The following HPS1 variants were observed in gnomAD, a reference collection of about 807,000 sequenced individuals.
HPS1 encodes the protein HPS1 biogenesis of lysosomal organelles complex 3 subunit 1, also known as BLOC-3 complex member HPS1.
HPS1 carries 59 observed loss-of-function variants against 90.6 expected under a neutral mutation model. The observed-to-expected ratio is 0.65, with a 90% CI of 0.53 to 0.81. The LOEUF (loss-of-function observed/expected upper bound fraction) is 0.81. Among genes scored for constraint, HPS1 ranks in the 30% least tolerant of loss-of-function variants. HPS1 has a pLI of 0.00. For synonymous variants in HPS1, 388 were observed against 384.4 expected (o/e 1.01, Z -0.11); for missense variants, 849 against 896.7 (o/e 0.95, Z 0.68).
rs369730473 is a variant in HPS1 at position 98,430,580 on chromosome 10, G to C, written c.759C>G (p.Asp253Glu). The change falls in exon 8 of 20, where the codon GAC becomes GAG. Residue 253 changes from aspartate (D) to glutamate (E), a missense_variant. Transcript: ENST00000361490. ...AAAGCTGCCCTGAGACCTGAATGTC[G>C]TCCTCTGCTGTGCTCTCGCTGGGGT... ...DLYPSESTAE[D>E]DIQPSPRRAR... The C allele has an allele frequency of 1.3e-6, 2 of 1,552,880 alleles. No individual in the cohort carries two copies. Among genetic ancestry groups the C allele is most frequent in the African/African-American group, 1.4e-5 (1 of 73,270 alleles).
chr10:98,415,029 T>C (rs1843958075), downstream of HPS1: 1 of 1,613,348 alleles, frequency 6.2e-7, no homozygotes, highest in African/African-American at 1.3e-5. Context: ...CACCACCGCA[T>C]CATACTCAGG....
downstream of HPS1, chr10:98,414,904 G>C (rs1038466447): frequency 1.3e-6 from 2 of 1,493,694 alleles, no homozygotes; most frequent in African/African-American, 2.8e-5. Flanking sequence ...TTATGCCAGA[G>C]GAGAGAGCAG....
chr10:98,435,871 G>T lies in HPS1; in HGVS notation c.118-99C>A. 6.8e-7 allele frequency: 1 copy of T among 1,479,954 alleles called. No homozygotes were observed. Among genetic ancestry groups the T allele is most frequent in the Non-Finnish European group, 9.4e-7 (1 of 1,066,480 alleles). The allele number at this position is 1,479,954 out of a possible 1,614,324, so 91.7% of individuals were successfully genotyped here. A position where few individuals can be genotyped will look rare whatever the true frequency, so the allele number is the denominator to read the frequency against. On this transcript the variant is annotated intron_variant, in intron 3 of 19. Transcript: ENST00000361490. The surrounding 1 kb of genome is among the most constrained non-coding windows in gnomAD (Gnocchi z 4.3). ...GCCTTGATATCAAGGGTTCCATAGT[G>T]TTAGACCCTCCTGGGAGGGTATCAC...
downstream of HPS1, among the ~76,000 whole-genome samples, chr10:98,415,497 G>C (rs530658903): frequency 6.4e-4 from 97 of 152,362 alleles, no homozygotes; most frequent in African/African-American, 2.2e-3. Context: ...GGGAATGAGT[G>C]GTGGAGGCAG....
chr10:98,415,724 G>A (rs1396061738), downstream of HPS1, among the ~76,000 whole-genome samples: 4 of 152,364 alleles, frequency 2.6e-5, no homozygotes. Flanking sequence ...AGAGGCAGCT[G>A]TGTCTGTCGC....
At chr10:98,434,735 C>T (rs978366262) in intron 5 of HPS1, among the ~76,000 whole-genome samples, 92 of 152,166 alleles carry the variant, frequency 6.0e-4, no homozygotes, top group African/African-American at 2.1e-3. Context: ...ATTTCAACTA[C>T]AAGCCTTTTC....
In HPS1 at chr10:98,423,750, T is replaced by TAC; in HGVS notation, c.1532+1_1532+2dup. On this transcript the variant is annotated splice_region_variant and intron_variant, in intron 15 of 19. Transcript: ENST00000361490. ...GCCACCCAGGGGGCCGCACTGCACT[T>TAC]ACCGCATGAGCCTCTGCACTTGGTC... 6.2e-7 allele frequency: 1 copy of TAC among 1,614,108 alleles called. No individual in the cohort carries two copies. The highest frequency in any genetic ancestry group is 8.5e-7 in the Non-Finnish European group (1 of 1,180,026).
chr10:98,422,460 G>C lies in HPS1; in HGVS notation c.1652C>G (p.Thr551Ser), dbSNP rs1268623165. 7 of 1,613,970 alleles carry C rather than the reference G, an allele frequency of 4.3e-6. No homozygotes were observed. The highest frequency in any genetic ancestry group is 1.3e-5 in the African/African-American group (1 of 74,944). The change falls in exon 17 of 20, where the codon ACT becomes AGT. Residue 551 changes from threonine (T) to serine (S), a missense_variant. Transcript: ENST00000361490. The stretch of plus-strand genomic sequence containing the variant: ...GAGGGAAGGCGCCACCATCTGCCCA[G>C]TGGTGCGGTCCACATAGATGAAGTG... ...LVHFIYVDRTTGQMVAPSLNC... is the reference protein window; with the variant it reads ...LVHFIYVDRTSGQMVAPSLNC...
chr10:98,426,185 T>C, intron 11 of HPS1, 200 bp from the exon 12 acceptor site: 1 of 579,864 alleles, frequency 1.7e-6, no homozygotes, highest in South Asian at 2.0e-5. Flanking sequence ...CCTGGGCCTT[T>C]CTGCCCAGAG....
chr10:98,431,250 G>A lies in HPS1; in HGVS notation c.549C>T (p.Cys183=), dbSNP rs756518801. ...RLIHPQLCEL[C]IEALERHVIQ... ...TGACGTGCCGCTCCAGCGCCTCTAT[G>A]CACAGCTCACAGAGCTGGGGGTGAA... Residue 183 remains cysteine (C), a synonymous_variant, in exon 7 of 20, where the codon TGC becomes TGT. Coordinates refer to ENST00000361490, the MANE Select transcript of HPS1 (RefSeq NM_000195.5). 14 of 1,613,948 alleles carry A rather than the reference G, an allele frequency of 8.7e-6. No individual in the cohort carries two copies. The highest frequency in any genetic ancestry group is 1.2e-5 in the Non-Finnish European group (14 of 1,180,006).
Position 98,430,006 on chromosome 10 carries a change from G to A in HPS1, c.769-117C>T, listed in dbSNP as rs887252076. ...ACCCCTCCACCCCTCCACCCGTTCC[G>A]GGTGCAGTCCTGGGTGTGTGGTCCT... On this transcript the variant is annotated intron_variant, in intron 8 of 19. Transcript: ENST00000361490. 3.6e-5 allele frequency: 31 copies of A among 863,728 alleles called. 1 individual carries two copies. Among genetic ancestry groups the A allele is most frequent in the South Asian group, 1.9e-4 (12 of 64,298 alleles). 53.5% of individuals were successfully genotyped at this position (863,728 alleles called of 1,614,324 possible). A position where few individuals can be genotyped will look rare whatever the true frequency, so the allele number is the denominator to read the frequency against.
chr10:98,417,822 C>T lies in HPS1; in HGVS notation c.1941-96G>A. ...GGGCCCTCGCAAGCAAATGCCCATG[C>T]CCTCGGTCATCTCACTAGGCCCCTG... On this transcript the variant is annotated intron_variant, in intron 19 of 19. Transcript: ENST00000361490. The surrounding 1 kb of genome is among the most constrained non-coding windows in gnomAD (Gnocchi z 4.2). 3 of 1,197,160 alleles carry T rather than the reference C, an allele frequency of 2.5e-6. No individual in the cohort carries two copies. The highest frequency in any genetic ancestry group is 2.4e-6 in the Non-Finnish European group (2 of 817,856). The allele number at this position is 1,197,160 out of a possible 1,614,324, so 74.2% of individuals were successfully genotyped here.
At chr10:98,430,094 C>T (rs1846214711) in intron 8 of HPS1, among the ~76,000 whole-genome samples, 1 of 152,196 alleles carries the variant, frequency 6.6e-6, no homozygotes, top group South Asian at 2.1e-4. Context: ...AATTCCAACA[C>T]AATGGTATCC....
At chr10:98,420,373 T>A (rs1201292336) in intron 17 of HPS1, 2 of 541,964 alleles carry the variant, frequency 3.7e-6, no homozygotes, top group Admixed American at 5.9e-5. Flanking sequence ...GGGGGCAAAA[T>A]ATATGTAAAA....
chr10:98,442,857 T>TA (rs1172321454), intron 3 of HPS1: 9 of 483,404 alleles, frequency 1.9e-5, no homozygotes, highest in Non-Finnish European at 3.0e-5. Context: ...GTTCTTCTGT[T>TA]ACGTGATAAA....
Position 98,441,235 on chromosome 10 carries a change from T to G in HPS1, c.117+1889A>C, listed in dbSNP as rs528352137. 7.2e-5 allele frequency among the ~76,000 whole-genome samples: 11 copies of G among 152,302 alleles called. No individual in the cohort carries two copies. The South Asian group carries it at 2.3e-3, about 32-fold the overall frequency. The stretch of plus-strand genomic sequence containing the variant: ...ATCTGGAAAACATTTTCAAAATAAA[T>G]TACTCCTTTAAAATGTAGAGTGGAA... On this transcript the variant is annotated intron_variant, in intron 3 of 19. Coordinates refer to ENST00000361490, the MANE Select transcript of HPS1 (RefSeq NM_000195.5).
Position 98,445,980 on chromosome 10 carries a change from CT to C in HPS1, c.-105-577del, listed in dbSNP as rs1158427492. 6.6e-6 allele frequency among the ~76,000 whole-genome samples: 1 copy of C among 152,232 alleles called. No individual in the cohort carries two copies. The highest frequency in any genetic ancestry group is 2.4e-5 in the African/African-American group (1 of 41,458). On this transcript the variant is annotated intron_variant, in intron 1 of 19. Coordinates refer to ENST00000361490, the MANE Select transcript of HPS1 (RefSeq NM_000195.5). This position sits in a 1 kb window ranked among gnomAD's most constrained non-coding sequence, Gnocchi z 4.5. Reference sequence around the variant, plus strand: ...GTGACCAGGCAAGCTGCAAAGTAACCTTAGCAAACTGCGTTCTTACATAGGT... The same window carrying C: ...GTGACCAGGCAAGCTGCAAAGTAACCTAGCAAACTGCGTTCTTACATAGGT...
chr10:98,434,921 C>T (rs1163478828), intron 5 of HPS1, among the ~76,000 whole-genome samples: 2 of 152,088 alleles, frequency 1.3e-5, no homozygotes, highest in Non-Finnish European at 2.9e-5. Flanking sequence ...CTTGAGAAGC[C>T]AGAGAGGACT....
In HPS1 at chr10:98,445,580, G is replaced by C. The variant is rs1939351834; in HGVS notation, c.-105-176C>G. ...CCTGCCCCTCACCTCCCATAATGGAGAATAGGAACCCGGCCAGCACAGCCC... is the reference window on the plus strand; with the variant it reads ...CCTGCCCCTCACCTCCCATAATGGACAATAGGAACCCGGCCAGCACAGCCC... On this transcript the variant is annotated intron_variant, in intron 1 of 19. Transcript: ENST00000361490. The surrounding 1 kb of genome is among the most constrained non-coding windows in gnomAD (Gnocchi z 4.5). 6.6e-6 allele frequency among the ~76,000 whole-genome samples: 1 copy of C among 152,206 alleles called. No individual in the cohort carries two copies. Among genetic ancestry groups the C allele is most frequent in the Non-Finnish European group, 1.5e-5 (1 of 68,030 alleles).
Sources: allele counts gnomAD v4.1 joint callset (sites outside exome capture counted in the v4.1 genomes callset), GRCh38; gene constraint gnomAD v4.1.1; non-coding constraint Gnocchi (gnomAD v3.1); transcripts MANE v1.5; gene names NCBI Gene and HGNC (gene_info 2026-07-23, HGNC 2026-07-21).